HEATR5A: variants seen among roughly 807,000 people sequenced by gnomAD.
The protein encoded by HEATR5A is HEAT repeat-containing protein 5A.
HEATR5A carries 178 observed loss-of-function variants against 218.8 expected under a neutral mutation model. The observed-to-expected ratio is 0.81, with a 90% CI of 0.72 to 0.92. The LOEUF (loss-of-function observed/expected upper bound fraction) is 0.92. Among genes scored for constraint, HEATR5A ranks in the 40% least tolerant of loss-of-function variants. HEATR5A has a pLI of 0.00. For missense variants in HEATR5A, 2,420 were observed against 2,418.9 expected (o/e 1.00, Z -0.01); for synonymous variants, 864 against 871.6 (o/e 0.99, Z 0.15).
At chr14:31,364,733 G>C (rs1214911536) in intron 13 of HEATR5A, among the ~76,000 whole-genome samples, 2 of 150,986 alleles carry the variant, frequency 1.3e-5, no homozygotes, top group Non-Finnish European at 3.0e-5. Context: ...CACAAAATAT[G>C]ATCTTTCTTC....
chr14:31,351,835 G>A (rs542598828), intron 16 of HEATR5A, among the ~76,000 whole-genome samples: 2 of 151,156 alleles, frequency 1.3e-5, no homozygotes, highest in African/African-American at 4.9e-5. Context: ...GGCTGGTCTT[G>A]AACTCCTAAG....
chr14:31,343,771 G>A, intron 21 of HEATR5A, 125 bp downstream of exon 21: 1 of 665,160 alleles, frequency 1.5e-6, no homozygotes, highest in Non-Finnish European at 2.2e-6. Flanking sequence ...AGAACTGAGG[G>A]GAAATAGCTA....
intron 13 of HEATR5A, among the ~76,000 whole-genome samples, chr14:31,368,832 G>A (rs1901908604): frequency 6.6e-6 from 1 of 151,590 alleles, no homozygotes; most frequent in African/African-American, 2.4e-5. Flanking sequence ...AAAGCACTAG[G>A]ATTACAGGCA....
At position 31,371,813 on chromosome 14, in the gene HEATR5A, G is replaced by A. The variant is rs1185892577; in HGVS notation, c.1958C>T (p.Thr653Ile). ...PPLPCAVDLL[T>I]QLSSILKMYG... ...AATCTAAACAGTCGATGCTTACTGA[G>A]TTAGCAAATCCACAGCACAAGGAAG... The change falls in exon 13 of 36, where the codon ACT (threonine) becomes ATT (isoleucine). Residue 653 changes from threonine (T) to isoleucine (I), a missense_variant. Physicochemically the swap from Thr to Ile is moderately conservative, Grantham distance 89 (BLOSUM62 -1). Coordinates refer to ENST00000543095, the MANE Select transcript of HEATR5A (RefSeq NM_015473.4). 6.7e-7 allele frequency: 1 copy of A among 1,492,850 alleles called. No individual in the cohort carries two copies. The highest frequency in any genetic ancestry group is 9.1e-7 in the Non-Finnish European group (1 of 1,102,470). 92.5% of individuals were successfully genotyped at this position (1,492,850 alleles called of 1,614,324 possible).
chr14:31,310,781 G>A (rs1050328265), intron 28 of HEATR5A, among the ~76,000 whole-genome samples: 1 of 151,666 alleles, frequency 6.6e-6, no homozygotes. Context: ...TTTTCATGTT[G>A]TTTCCATTTT....
At chr14:31,374,468 A>T (rs941086690) in intron 12 of HEATR5A, among the ~76,000 whole-genome samples, 9 of 152,150 alleles carry the variant, frequency 5.9e-5, no homozygotes, top group Non-Finnish European at 1.3e-4. Context: ...TCAAGGGTCA[A>T]CTGTATAGGC....
At chr14:31,334,235 G>A (rs1900574424) in intron 22 of HEATR5A, 3 of 331,488 alleles carry the variant, frequency 9.1e-6, no homozygotes, top group Admixed American at 3.7e-5. Flanking sequence ...GGCGTACAAG[G>A]AGATAAATGT....
chr14:31,375,027 T>C (rs1364387389), intron 11 of HEATR5A, 59 bp from the exon 12 acceptor site: 2 of 1,389,904 alleles, frequency 1.4e-6, no homozygotes, highest in Admixed American at 2.6e-5. Flanking sequence ...TCTTTAAAAC[T>C]CTATTATTAA....
intron 13 of HEATR5A, among the ~76,000 whole-genome samples, chr14:31,368,653 C>T (rs1443214798): frequency 6.6e-6 from 1 of 152,116 alleles, no homozygotes; most frequent in African/African-American, 2.4e-5. Context: ...CCTCAGCCTC[C>T]TGTGTAGCTA....
intron 22 of HEATR5A, among the ~76,000 whole-genome samples, chr14:31,328,636 T>G (rs138642817): frequency 5.3e-5 from 8 of 152,190 alleles, no homozygotes; most frequent in African/African-American, 1.9e-4. Flanking sequence ...TCCCAGCACT[T>G]TGGGAGGCTG....
In HEATR5A at chr14:31,306,921, T is replaced by C. The variant is rs767024499; in HGVS notation, c.4819-42A>G. Reference sequence around the variant, plus strand: ...GTACAGGACACTGTATTAGAAATTATACATTTCTTTTGTAAAAAATACCAA... The same window carrying C: ...GTACAGGACACTGTATTAGAAATTACACATTTCTTTTGTAAAAAATACCAA... On this transcript the variant is annotated intron_variant, in intron 30 of 35. Coordinates refer to ENST00000543095, the MANE Select transcript of HEATR5A (RefSeq NM_015473.4). The C allele has an allele frequency of 7.6e-6, 11 of 1,454,294 alleles. No individual in the cohort carries two copies. The East Asian group carries it at 2.6e-4, about 34-fold the overall frequency. The allele number at this position is 1,454,294 out of a possible 1,614,324, so 90.1% of individuals were successfully genotyped here.
intron 16 of HEATR5A, among the ~76,000 whole-genome samples, chr14:31,356,956 C>T (rs1348445628): frequency 1.3e-5 from 2 of 152,144 alleles, no homozygotes; most frequent in Non-Finnish European, 2.9e-5. Context: ...GTTTCATCCA[C>T]AGTAGTTATT....
chr14:31,295,851 T>G, intron 34 of HEATR5A, 58 bp downstream of exon 34: 1 of 1,435,142 alleles, frequency 7.0e-7, no homozygotes, highest in South Asian at 1.3e-5. Context: ...CACAGAAAAT[T>G]TTCTAAAGGC....
At chr14:31,387,013 G>T in intron 8 of HEATR5A, 107 bp downstream of exon 8, 3 of 1,079,918 alleles carry the variant, frequency 2.8e-6, no homozygotes, top group Non-Finnish European at 4.0e-6. Flanking sequence ...ACTTCTATCA[G>T]CCTTCAAGGT....
At chr14:31,377,931 C>T (rs1398478048) in intron 11 of HEATR5A, among the ~76,000 whole-genome samples, 1 of 152,216 alleles carries the variant, frequency 6.6e-6, no homozygotes, top group East Asian at 1.9e-4. Flanking sequence ...TATGCATATG[C>T]CGTAAAATAT....
At chr14:31,353,295 T>G (rs1304645759) in intron 16 of HEATR5A, among the ~76,000 whole-genome samples, 1 of 152,196 alleles carries the variant, frequency 6.6e-6, no homozygotes, top group East Asian at 1.9e-4. Context: ...CCCATCTTAT[T>G]AACTATTATA....
chr14:31,407,874 C>T (rs1343551475), intron 1 of HEATR5A, among the ~76,000 whole-genome samples: 2 of 152,108 alleles, frequency 1.3e-5, no homozygotes, highest in African/African-American at 2.4e-5. Flanking sequence ...GTAATCCATC[C>T]GCCTTGGCCT....
At chr14:31,315,151 T>A (rs954881804) in intron 27 of HEATR5A, among the ~76,000 whole-genome samples, 8 of 152,088 alleles carry the variant, frequency 5.3e-5, no homozygotes, top group Non-Finnish European at 1.2e-4. Flanking sequence ...CCCAGCCTCG[T>A]CAACAGAGCA....
chr14:31,319,855 C>T (rs183662277), intron 25 of HEATR5A, among the ~76,000 whole-genome samples: 66 of 152,112 alleles, frequency 4.3e-4, no homozygotes, highest in African/African-American at 1.5e-3. Context: ...GACCAGCCTG[C>T]GCAACATGGT....
Sources: allele counts gnomAD v4.1 joint callset (sites outside exome capture counted in the v4.1 genomes callset), GRCh38; gene constraint gnomAD v4.1.1; transcripts MANE v1.5; gene names NCBI Gene and HGNC (gene_info 2026-07-23, HGNC 2026-07-21).